The following AGBL1 variants were observed in gnomAD, a reference collection of about 807,000 sequenced individuals.
AGBL1 encodes the protein AGBL carboxypeptidase 1.
A neutral mutation model predicts 118.9 loss-of-function variants in AGBL1; 130 were observed. That is an observed-to-expected ratio of 1.09 (90% CI 0.95 to 1.26). The LOEUF (loss-of-function observed/expected upper bound fraction) is 1.26, where lower values mean the gene tolerates loss of function less well. AGBL1 is among the 50% of genes most tolerant of loss of function. AGBL1 has a pLI of 0.00. For synonymous variants in AGBL1, 555 were observed against 478.9 expected (o/e 1.16, Z -2.08); for missense variants, 1,584 against 1,298.1 (o/e 1.22, Z -3.38).
chr15:86,721,250 A>G (rs2086715450), intron 22 of AGBL1, among the ~76,000 whole-genome samples: 2 of 152,236 alleles, frequency 1.3e-5, no homozygotes, highest in Non-Finnish European at 2.9e-5. Flanking sequence ...AAAATCCTCA[A>G]TAAAATACTG....
chr15:86,783,104 T>A (rs16977979), intron 22 of AGBL1, among the ~76,000 whole-genome samples: 17,268 of 152,254 alleles, frequency 0.11, 1,898 homozygotes, highest in African/African-American at 0.27. Context: ...CCAAGTTGCT[T>A]ATGCTTTCCA....
At chr15:86,182,680 T>G (rs1399151561) in intron 5 of AGBL1, among the ~76,000 whole-genome samples, 1 of 152,186 alleles carries the variant, frequency 6.6e-6, no homozygotes, top group African/African-American at 2.4e-5. Flanking sequence ...CTTTGCTATT[T>G]CAGCATTGCA....
At position 86,279,633 on chromosome 15, in the gene AGBL1, C is replaced by A. The variant is rs778968308; in HGVS notation, c.2076-6C>A. 2 of 1,612,844 alleles carry A rather than the reference C, an allele frequency of 1.2e-6. No homozygotes were observed. Among genetic ancestry groups the A allele is most frequent in the African/African-American group, 1.3e-5 (1 of 74,998 alleles). ...ATTCTCTTCTCTTCTCCTCCTCTCT[C>A]TTTAGAAATCATTATCGCCAGAGTA... On this transcript the variant is annotated splice_region_variant and splice_polypyrimidine_tract_variant and intron_variant, in intron 15 of 22. Coordinates refer to ENST00000614907, the MANE Select transcript of AGBL1 (RefSeq NM_001386094.1).
At chr15:86,265,134 T>C (rs998463207) in intron 11 of AGBL1, among the ~76,000 whole-genome samples, 2 of 152,206 alleles carry the variant, frequency 1.3e-5, no homozygotes, top group Non-Finnish European at 2.9e-5. Context: ...AGAAAGATCA[T>C]CCAGTTTTTC....
intron 1 of AGBL1, among the ~76,000 whole-genome samples, chr15:86,094,998 G>C (rs141705854): frequency 2.6e-5 from 4 of 152,118 alleles, no homozygotes; most frequent in Non-Finnish European, 5.9e-5. Context: ...CCACAGCTCC[G>C]TCTTCAGGTT....
At chr15:87,010,544 A>G (rs2081548218) in intron 24 of AGBL1, among the ~76,000 whole-genome samples, 1 of 151,782 alleles carries the variant, frequency 6.6e-6, no homozygotes, top group Non-Finnish European at 1.5e-5. Context: ...GAGCTGGGAC[A>G]CTCTTCTTCT....
chr15:86,438,382 T>C (rs920585712), intron 18 of AGBL1, among the ~76,000 whole-genome samples: 1 of 152,192 alleles, frequency 6.6e-6, no homozygotes. Flanking sequence ...ATTGGAATAC[T>C]CTCTTTCTCA....
At position 86,827,449 on chromosome 15, in the gene AGBL1, G is replaced by GTA. The variant is rs1317318771; in HGVS notation, c.3159-79619_3159-79618dup. On this transcript the variant is annotated intron_variant, in intron 22 of 22. Transcript: ENST00000614907. The stretch of plus-strand genomic sequence containing the variant: ...TATATACACATATATATATGTGTGT[G>GTA]TATATATATATATATATATACATAT... Among the ~76,000 whole-genome samples, 41 of 4,290 alleles carry GTA rather than the reference G, an allele frequency of 9.6e-3. 13 individuals are homozygous for GTA. The highest frequency in any genetic ancestry group is 0.014 in the Non-Finnish European group (32 of 2,358). The allele number at this position is 4,290 out of a possible 152,430, so 2.8% of individuals were successfully genotyped here. A position where few individuals can be genotyped will look rare whatever the true frequency, so the allele number is the denominator to read the frequency against.
At chr15:86,645,491 A>G (rs1310514619) in intron 21 of AGBL1, among the ~76,000 whole-genome samples, 1 of 152,228 alleles carries the variant, frequency 6.6e-6, no homozygotes, top group African/African-American at 2.4e-5. Flanking sequence ...TATTTAGCAT[A>G]TGTAGAAACT....
At position 86,593,263 on chromosome 15, in the gene AGBL1, T is replaced by C. The variant is rs140560205; in HGVS notation, c.2994+38726T>C. Among the ~76,000 whole-genome samples, 1,065 of 151,956 alleles carry C rather than the reference T, an allele frequency of 7.0e-3. 13 individuals carry two copies. Among genetic ancestry groups the C allele is most frequent in the African/African-American group, 0.019 (799 of 41,436 alleles). On this transcript the variant is annotated intron_variant, in intron 21 of 22. Coordinates refer to ENST00000614907, the MANE Select transcript of AGBL1 (RefSeq NM_001386094.1). Reference sequence around the variant, plus strand: ...AACCTTGTACTTTCTCTGTCCAACTTGTGGAATCAGCTCTTGTCCCAAGGA... The same window carrying C: ...AACCTTGTACTTTCTCTGTCCAACTCGTGGAATCAGCTCTTGTCCCAAGGA...
chr15:86,815,333 A>G (rs2078843502), intron 22 of AGBL1, among the ~76,000 whole-genome samples: 2 of 152,168 alleles, frequency 1.3e-5, no homozygotes, highest in South Asian at 4.1e-4. Context: ...GGGTCACATC[A>G]GTGCACAGAA....
chr15:86,759,119 G>T (rs535606397), intron 22 of AGBL1, among the ~76,000 whole-genome samples: 1 of 152,078 alleles, frequency 6.6e-6, no homozygotes, highest in East Asian at 1.9e-4. Context: ...ATTCCCATCA[G>T]TTCCGAACTC....
chr15:86,682,264 G>C (rs1291929860), intron 22 of AGBL1, among the ~76,000 whole-genome samples: 1 of 152,096 alleles, frequency 6.6e-6, no homozygotes, highest in Non-Finnish European at 1.5e-5. Flanking sequence ...CTCCCTAACT[G>C]GTCAAGGGAA....
At chr15:86,896,032 G>A (rs542894526) in intron 22 of AGBL1, among the ~76,000 whole-genome samples, 1 of 151,972 alleles carries the variant, frequency 6.6e-6, no homozygotes, top group East Asian at 1.9e-4. Flanking sequence ...TATCTTTGCT[G>A]AACTGTGTCT....
In AGBL1 at chr15:86,153,508, G is replaced by C. The variant is rs969757567; in HGVS notation, c.263-922G>C. Among the ~76,000 whole-genome samples, 5 of 151,748 alleles carry C rather than the reference G, an allele frequency of 3.3e-5. No individual in the cohort carries two copies. In the South Asian group the frequency reaches 1.0e-3, roughly 32 times the overall value. ...TGAACATCACACACCGGGGCCTGTCGTGGGGTGGGGGGCAGGGGGAGGGAT... is the reference window on the plus strand; with the variant it reads ...TGAACATCACACACCGGGGCCTGTCCTGGGGTGGGGGGCAGGGGGAGGGAT... On this transcript the variant is annotated intron_variant, in intron 3 of 22. Coordinates refer to ENST00000614907, the MANE Select transcript of AGBL1 (RefSeq NM_001386094.1).
Position 86,735,103 on chromosome 15 carries a change from C to T in AGBL1, c.3158+60667C>T, listed in dbSNP as rs562333822. Among the ~76,000 whole-genome samples, 182 of 151,890 alleles carry T rather than the reference C, an allele frequency of 1.2e-3. 1 individual carries two copies. Among genetic ancestry groups the T allele is most frequent in the African/African-American group, 3.9e-3 (162 of 41,356 alleles). On this transcript the variant is annotated intron_variant, in intron 22 of 22. Transcript: ENST00000614907. ...TAATAATTATTATTATTATTTAAGA[C>T]GGAGTTCCACTCTTGTCACGTAGGC...
At chr15:86,318,693 T>C (rs928282496) in intron 17 of AGBL1, among the ~76,000 whole-genome samples, 10 of 140,056 alleles carry the variant, frequency 7.1e-5, no homozygotes, top group Non-Finnish European at 1.5e-4. Flanking sequence ...GAGTTGATCA[T>C]AGATTTTTTT....
chr15:86,407,428 C>T (rs911356898), intron 18 of AGBL1, among the ~76,000 whole-genome samples: 2 of 152,080 alleles, frequency 1.3e-5, no homozygotes, highest in Non-Finnish European at 2.9e-5. Context: ...TTGAGTGTTT[C>T]CAGCATAGAA....
intron 24 of AGBL1, among the ~76,000 whole-genome samples, chr15:87,014,567 C>A (rs773722583): frequency 7.9e-5 from 12 of 152,006 alleles, no homozygotes; most frequent in Non-Finnish European, 1.3e-4. Context: ...TAGATCTAGG[C>A]GAGTTATTAT....
Sources: gnomAD v4.1 joint callset for allele counts (sites outside exome capture counted in the v4.1 genomes callset) on GRCh38, gnomAD v4.1.1 for gene constraint, MANE v1.5 for transcripts, NCBI Gene and HGNC (gene_info 2026-07-23, HGNC 2026-07-21) for gene names.